The following CSTPP1 variants were observed in gnomAD, a reference collection of about 807,000 sequenced individuals.
CSTPP1 encodes the protein UPF0705 protein C11orf49.
chr11:46,984,435 G>A, the CSTPP1 span, among the ~76,000 whole-genome samples: 3 of 152,262 alleles, frequency 2.0e-5, no homozygotes, highest in East Asian at 3.9e-4. Flanking sequence ...AATAAATTGT[G>A]CAAGTACTCA....
chr11:47,141,720 G>A, the CSTPP1 span, among the ~76,000 whole-genome samples: 1 of 151,830 alleles, frequency 6.6e-6, no homozygotes, highest in Non-Finnish European at 1.5e-5. Flanking sequence ...GATCATTTGA[G>A]GTCAGGAGTT....
At chr11:47,074,358 A>C in the CSTPP1 span, among the ~76,000 whole-genome samples, 1 of 151,978 alleles carries the variant, frequency 6.6e-6, no homozygotes, top group African/African-American at 2.4e-5. Context: ...AAAACTCACC[A>C]GGCATAGTGG....
At chr11:47,164,022 G>A in the CSTPP1 span, 6 of 1,523,308 alleles carry the variant, frequency 3.9e-6, no homozygotes, top group South Asian at 5.1e-5. Flanking sequence ...GACTGCTGAG[G>A]TTGCTCGCTC....
chr11:47,145,778 C>T, the CSTPP1 span, among the ~76,000 whole-genome samples: 3 of 152,132 alleles, frequency 2.0e-5, no homozygotes, highest in African/African-American at 2.4e-5. Context: ...ACCATAGGCA[C>T]GTTCTACAAA....
the CSTPP1 span, among the ~76,000 whole-genome samples, chr11:47,072,674 A>AAT: frequency 1.4e-4 from 22 of 151,960 alleles, no homozygotes; most frequent in East Asian, 2.1e-3. Flanking sequence ...TTAATTAGAA[A>AAT]ATATATATAT....
At chr11:46,957,731 G>C in the CSTPP1 span, among the ~76,000 whole-genome samples, 2 of 152,162 alleles carry the variant, frequency 1.3e-5, no homozygotes, top group Non-Finnish European at 2.9e-5. Flanking sequence ...CTCTGGAACT[G>C]TTGTTACTTA....
chr11:47,117,499 A>G, the CSTPP1 span, among the ~76,000 whole-genome samples: 1 of 152,142 alleles, frequency 6.6e-6, no homozygotes, highest in Admixed American at 6.5e-5. Context: ...CGAGAGATCC[A>G]CTGTTAGTCT....
chr11:46,953,912 C>G, the CSTPP1 span, among the ~76,000 whole-genome samples: 1 of 152,190 alleles, frequency 6.6e-6, no homozygotes, highest in Non-Finnish European at 1.5e-5. Flanking sequence ...CTGATGACCT[C>G]TTCTTTGTCT....
At chr11:46,937,904 G>GT in the CSTPP1 span, among the ~76,000 whole-genome samples, 1 of 151,750 alleles carries the variant, frequency 6.6e-6, no homozygotes, top group Non-Finnish European at 1.5e-5. Flanking sequence ...GTTTTGTTTT[G>GT]TTTTTTGAGA....
the CSTPP1 span, among the ~76,000 whole-genome samples, chr11:46,984,644 C>A: frequency 1.3e-5 from 2 of 150,992 alleles, no homozygotes; most frequent in Non-Finnish European, 2.9e-5. Context: ...AAATATTTAT[C>A]CCGTAAAAAG....
the CSTPP1 span, among the ~76,000 whole-genome samples, chr11:47,145,565 TC>T: frequency 6.6e-6 from 1 of 152,056 alleles, no homozygotes; most frequent in Non-Finnish European, 1.5e-5. Flanking sequence ...TGAGCTGAGA[TC>T]GCACCATTGC....
the CSTPP1 span, among the ~76,000 whole-genome samples, chr11:47,071,565 A>G: frequency 7.9e-5 from 12 of 152,148 alleles, no homozygotes; most frequent in Non-Finnish European, 1.3e-4. Context: ...TTATCTTTGG[A>G]TCCCCATTCT....
the CSTPP1 span, chr11:47,162,127 A>G: frequency 2.0e-6 from 2 of 986,326 alleles, no homozygotes; most frequent in Non-Finnish European, 2.4e-6. Flanking sequence ...TAGCCTTGGT[A>G]ATATGAAGGG....
At chr11:47,009,770 T>C in the CSTPP1 span, among the ~76,000 whole-genome samples, 2 of 151,704 alleles carry the variant, frequency 1.3e-5, no homozygotes, top group Non-Finnish European at 2.9e-5. Flanking sequence ...ATCGCACTAC[T>C]GCACTCTAGC....
chr11:47,164,235 T>A, the CSTPP1 span: 1 of 1,612,962 alleles, frequency 6.2e-7, no homozygotes, highest in Non-Finnish European at 8.5e-7. Context: ...CCATTACCGG[T>A]GGGAGCCCAG....
At chr11:47,093,375 T>A in the CSTPP1 span, among the ~76,000 whole-genome samples, 6 of 152,214 alleles carry the variant, frequency 3.9e-5, no homozygotes, top group African/African-American at 1.4e-4. Flanking sequence ...GAGGCTATAA[T>A]GAAGAAGGTG....
chr11:47,114,476 T>A, the CSTPP1 span, among the ~76,000 whole-genome samples: 1 of 152,222 alleles, frequency 6.6e-6, no homozygotes, highest in Non-Finnish European at 1.5e-5. Flanking sequence ...TGGAATATTC[T>A]TCCATTTGTT....
the CSTPP1 span, among the ~76,000 whole-genome samples, chr11:47,020,359 T>C: frequency 6.6e-6 from 1 of 152,250 alleles, no homozygotes; most frequent in Non-Finnish European, 1.5e-5. Context: ...AGTGATGTAA[T>C]TAAAAGCCTA....
chr11:47,112,248 C>CT, the CSTPP1 span, among the ~76,000 whole-genome samples: 1 of 152,186 alleles, frequency 6.6e-6, no homozygotes, highest in Non-Finnish European at 1.5e-5. Flanking sequence ...GCTGTATTCT[C>CT]TTTTTTTCCA....
Sources: gnomAD v4.1 joint callset for allele counts (sites outside exome capture counted in the v4.1 genomes callset) on GRCh38, gnomAD v4.1.1 for gene constraint, MANE v1.5 for transcripts, NCBI Gene and HGNC (gene_info 2026-07-23, HGNC 2026-07-21) for gene names.